TMC2: variants seen among roughly 807,000 people sequenced by gnomAD.
The protein encoded by TMC2 is transmembrane channel like 2.
In TMC2, 102 loss-of-function variants were observed where a neutral mutation model predicts 105.9. The ratio of observed to expected loss-of-function variants is 0.96; its 90% CI spans 0.82 to 1.14. TMC2 has a LOEUF of 1.14. TMC2 is among the 50% of genes most tolerant of loss of function. The probability of loss-of-function intolerance (pLI) is 0.00; values close to 1 mark genes in which losing one functional copy is unlikely to be tolerated. For synonymous variants in TMC2, 402 were observed against 422.8 expected (o/e 0.95, Z 0.60); for missense variants, 1,093 against 1,134.3 (o/e 0.96, Z 0.52).
chr20:2,537,422 C>T, intron 2 of TMC2, 106 bp downstream of exon 2: 1 of 958,558 alleles, frequency 1.0e-6, no homozygotes. Flanking sequence ...ATCTCCTTCC[C>T]TCTCATTCAA....
chr20:2,617,376 C>T (rs1237790333), intron 16 of TMC2, 65 bp downstream of exon 16: 26 of 1,585,620 alleles, frequency 1.6e-5, no homozygotes, highest in Non-Finnish European at 2.6e-6. Context: ...AGGGCCTCGG[C>T]CCAGAATTCC....
At chr20:2,596,141 C>A (rs1228027094) in intron 9 of TMC2, among the ~76,000 whole-genome samples, 1 of 152,126 alleles carries the variant, frequency 6.6e-6, no homozygotes. Context: ...AGATGACAAA[C>A]CCCTCATAGT....
chr20:2,618,175 TCCTTC>T (rs1393777816), intron 16 of TMC2: 2 of 152,506 alleles, frequency 1.3e-5, no homozygotes, highest in Non-Finnish European at 2.9e-5. Context: ...CTCCTCTCTA[TCCTTC>T]CCAACCTCTG....
At chr20:2,554,748 A>G (rs993008785) in intron 2 of TMC2, among the ~76,000 whole-genome samples, 1 of 152,172 alleles carries the variant, frequency 6.6e-6, no homozygotes, top group African/African-American at 2.4e-5. Flanking sequence ...TTTTCCAGCT[A>G]TCTTTCTGTT....
Position 2,612,275 on chromosome 20 carries a change from C to T in TMC2, c.1678C>T (p.Pro560Ser), listed in dbSNP as rs1441322726. ...YNSSGWNESV[P>S]RPPLHPADVP... is the part of the protein sequence containing the mutation. ...CTCTTCTGGTTGGAACGAGAGTGTC[C>T]CCCGACCACCCCTGCACCCTGCAGA... Residue 560 changes from proline (P) to serine (S), a missense_variant, in exon 13 of 20, where the codon CCC (proline) becomes TCC (serine). By Grantham distance (74) the Pro-to-Ser change is moderately conservative. Coordinates refer to ENST00000358864, the MANE Select transcript of TMC2 (RefSeq NM_080751.3). 1 of 1,612,502 alleles carries T rather than the reference C, an allele frequency of 6.2e-7. No individual in the cohort carries two copies. The highest frequency in any genetic ancestry group is 1.7e-5 in the Admixed American group (1 of 59,854).
chr20:2,589,269 C>CATGTGT (rs764448789), intron 7 of TMC2, among the ~76,000 whole-genome samples: 3 of 84,712 alleles, frequency 3.5e-5, no homozygotes, highest in Non-Finnish European at 6.5e-5. Flanking sequence ...TCCTATTTGC[C>CATGTGT]CTGTGTGTGT....
intron 11 of TMC2, among the ~76,000 whole-genome samples, chr20:2,610,216 G>A (rs2086424960): frequency 6.6e-6 from 1 of 152,166 alleles, no homozygotes; most frequent in African/African-American, 2.4e-5. Flanking sequence ...CAGCAATTAT[G>A]ATATGCAAGC....
chr20:2,613,577 GA>G, intron 14 of TMC2: 1 of 445,842 alleles, frequency 2.2e-6, no homozygotes, highest in Non-Finnish European at 4.2e-6. Flanking sequence ...TGGCCTAGGG[GA>G]AAGTGGACCA....
At chr20:2,617,440 C>A in intron 16 of TMC2, 129 bp downstream of exon 16, 2 of 1,234,338 alleles carry the variant, frequency 1.6e-6, no homozygotes, top group Non-Finnish European at 1.1e-6. Context: ...GGTGAATCAC[C>A]GATGCCATTT....
chr20:2,541,954 C>T (rs1371351663), intron 2 of TMC2, among the ~76,000 whole-genome samples: 1 of 152,066 alleles, frequency 6.6e-6, no homozygotes, highest in Non-Finnish European at 1.5e-5. Context: ...ATAAGTTTTG[C>T]TTAACGGTCT....
chr20:2,637,624 A>G (rs2086658331), intron 19 of TMC2, 33 bp downstream of exon 19: 2 of 1,465,196 alleles, frequency 1.4e-6, no homozygotes, highest in African/African-American at 1.4e-5. Context: ...TATGTTTTAC[A>G]AGGCCACATG....
At chr20:2,576,818 A>C (rs73570280) in intron 5 of TMC2, among the ~76,000 whole-genome samples, 17,518 of 151,960 alleles carry the variant, frequency 0.12, 1,205 homozygotes, top group African/African-American at 0.18. Flanking sequence ...AAAGTACTCA[A>C]GGCAAATGCT....
At chr20:2,628,994 C>T (rs1473585211) in intron 17 of TMC2, among the ~76,000 whole-genome samples, 2 of 150,996 alleles carry the variant, frequency 1.3e-5, no homozygotes, top group Non-Finnish European at 3.0e-5. Context: ...CCCAGCTACT[C>T]GGGAGGCTGA....
At chr20:2,618,626 G>T (rs2086502264) in intron 16 of TMC2, among the ~76,000 whole-genome samples, 1 of 152,186 alleles carries the variant, frequency 6.6e-6, no homozygotes, top group South Asian at 2.1e-4. Context: ...TGGGAGACTA[G>T]ATATTGTATA....
At chr20:2,545,005 G>C (rs1198141542) in intron 2 of TMC2, among the ~76,000 whole-genome samples, 4 of 150,330 alleles carry the variant, frequency 2.7e-5, no homozygotes, top group African/African-American at 9.8e-5. Flanking sequence ...AGAGCAGCCT[G>C]GGCAATATAA....
intron 4 of TMC2, among the ~76,000 whole-genome samples, chr20:2,568,761 G>T (rs1485551770): frequency 6.6e-6 from 1 of 152,130 alleles, no homozygotes; most frequent in Non-Finnish European, 1.5e-5. Flanking sequence ...CTGCCAAGGG[G>T]GGGAACAGGG....
At position 2,616,155 on chromosome 20, in the gene TMC2, G is replaced by C; in HGVS notation, c.1891G>C (p.Asp631His). The change falls in exon 15 of 20, where the codon GAT (aspartate) becomes CAT (histidine). Residue 631 changes from aspartate (D) to histidine (H), a missense_variant. By Grantham distance (81) the Asp-to-His change is moderately conservative. Transcript: ENST00000358864. This position sits in a 1 kb window ranked among gnomAD's most constrained non-coding sequence, Gnocchi z 4.8. ...TCTCTAGCCTTCATATGCTGAGTTT[G>C]ATATTAGTGGAAATGTGCTGGGTTT... ...EAGFPSYAEF[D>H]ISGNVLGLIF... The C allele has an allele frequency of 6.2e-7, 1 of 1,613,010 alleles. No individual in the cohort carries two copies. Among genetic ancestry groups the C allele is most frequent in the Non-Finnish European group, 8.5e-7 (1 of 1,179,342 alleles).
intron 17 of TMC2, among the ~76,000 whole-genome samples, chr20:2,632,961 G>A (rs1018343905): frequency 6.8e-6 from 1 of 147,354 alleles, no homozygotes; most frequent in Non-Finnish European, 1.5e-5. Flanking sequence ...AATCAGGTTC[G>A]CCTCCCTTCC....
intron 16 of TMC2, among the ~76,000 whole-genome samples, chr20:2,623,100 A>G (rs1040096002): frequency 1.3e-5 from 2 of 152,170 alleles, no homozygotes; most frequent in African/African-American, 2.4e-5. Context: ...TACTAATCAT[A>G]TGACTATTAA....
Sources: allele counts gnomAD v4.1 joint callset (sites outside exome capture counted in the v4.1 genomes callset), GRCh38; gene constraint gnomAD v4.1.1; non-coding constraint Gnocchi (gnomAD v3.1); transcripts MANE v1.5; gene names NCBI Gene and HGNC (gene_info 2026-07-23, HGNC 2026-07-21).